SYT1: variants seen among roughly 807,000 people sequenced by gnomAD.
The protein encoded by SYT1 is synaptotagmin 1, also known as synaptotagmin-1.
SYT1 carries 8 observed loss-of-function variants against 44.8 expected under a neutral mutation model. That is an observed-to-expected ratio of 0.18 (90% CI 0.10 to 0.32). The LOEUF (loss-of-function observed/expected upper bound fraction) is 0.32. SYT1 is among the 10% of genes least tolerant of loss of function. The pLI, the probability that SYT1 is intolerant of heterozygous loss-of-function variation, is 1.00. For synonymous variants in SYT1, 154 were observed against 188.8 expected, an observed-to-expected ratio of 0.82 and a Z score of 1.51; for missense variants, 286 against 509.3, an observed-to-expected ratio of 0.56 and a Z score of 4.22.
chr12:79,249,356 G>A lies in SYT1; in HGVS notation c.166+31671G>A, dbSNP rs184990171. 4.3e-3 allele frequency among the ~76,000 whole-genome samples: 654 copies of A among 150,714 alleles called. 1 individual carries two copies. Among genetic ancestry groups the A allele is most frequent in the African/African-American group, 0.015 (602 of 40,982 alleles). On this transcript the variant is annotated intron_variant, in intron 4 of 10. Transcript: ENST00000261205. ...CCTGACCTCATGATCCACCCGCCTC[G>A]GCCTCCCAAAGTGCTGGGATTACAG...
intron 9 of SYT1, among the ~76,000 whole-genome samples, chr12:79,429,214 T>G (rs1158236908): frequency 2.0e-5 from 3 of 152,148 alleles, no homozygotes; most frequent in African/African-American, 7.2e-5. Flanking sequence ...GGATTTTTTG[T>G]TTTTGTTTTT....
chr12:79,016,406 C>T (rs1426787773), intron 2 of SYT1, among the ~76,000 whole-genome samples: 1 of 152,168 alleles, frequency 6.6e-6, no homozygotes, highest in Non-Finnish European at 1.5e-5. Context: ...CAGCTGTCCT[C>T]AGTGCAACTG....
intron 3 of SYT1, among the ~76,000 whole-genome samples, chr12:79,054,964 A>G (rs1432717557): frequency 6.6e-6 from 1 of 151,972 alleles, no homozygotes; most frequent in African/African-American, 2.4e-5. Flanking sequence ...CATGATTTAC[A>G]GTATTTTTTG....
intron 3 of SYT1, among the ~76,000 whole-genome samples, chr12:79,172,125 A>G (rs1465656677): frequency 2.0e-5 from 3 of 152,050 alleles, no homozygotes; most frequent in African/African-American, 7.2e-5. Flanking sequence ...AAATAGAGAT[A>G]TAAACACATT....
At chr12:79,229,679 C>T (rs908121295) in intron 4 of SYT1, among the ~76,000 whole-genome samples, 14 of 151,886 alleles carry the variant, frequency 9.2e-5, no homozygotes, top group South Asian at 4.2e-4. Flanking sequence ...CTACAACTTC[C>T]GCTTCCCGGG....
chr12:79,175,344 A>C (rs1871791909), intron 3 of SYT1, among the ~76,000 whole-genome samples: 1 of 152,084 alleles, frequency 6.6e-6, no homozygotes, highest in African/African-American at 2.4e-5. Flanking sequence ...GGATAATGTA[A>C]TAAATACTTT....
intron 3 of SYT1, among the ~76,000 whole-genome samples, chr12:79,067,027 C>G (rs1415807191): frequency 6.6e-6 from 1 of 152,172 alleles, no homozygotes; most frequent in East Asian, 1.9e-4. Context: ...CTATAATTGC[C>G]TCCACGCAGT....
intron 4 of SYT1, among the ~76,000 whole-genome samples, chr12:79,237,174 G>C (rs913097169): frequency 1.3e-5 from 2 of 152,200 alleles, no homozygotes; most frequent in African/African-American, 4.8e-5. Flanking sequence ...GACAGGTGCT[G>C]TGTCTGGGTC....
intron 3 of SYT1, among the ~76,000 whole-genome samples, chr12:79,203,641 G>A (rs1403984804): frequency 6.6e-6 from 1 of 152,080 alleles, no homozygotes; most frequent in East Asian, 1.9e-4. Context: ...AAAAAAAAGT[G>A]GGGTTTTATC....
chr12:79,146,083 A>C (rs1199908301), intron 3 of SYT1, among the ~76,000 whole-genome samples: 3 of 152,130 alleles, frequency 2.0e-5, no homozygotes, highest in Non-Finnish European at 4.4e-5. Flanking sequence ...AGTCCTGTGG[A>C]GGAGAGGGAA....
At chr12:79,301,767 T>C (rs1880163546) in intron 8 of SYT1, among the ~76,000 whole-genome samples, 1 of 152,176 alleles carries the variant, frequency 6.6e-6, no homozygotes, top group African/African-American at 2.4e-5. Flanking sequence ...GAGTTATTAA[T>C]GGGAAATATT....
chr12:78,880,692 A>G (rs1874406754), intron 1 of SYT1, among the ~76,000 whole-genome samples: 1 of 151,628 alleles, frequency 6.6e-6, no homozygotes, highest in Non-Finnish European at 1.5e-5. Flanking sequence ...CAATTTGCAT[A>G]GAGATGACAA....
chr12:79,040,705 A>G (rs926766563), intron 2 of SYT1, among the ~76,000 whole-genome samples: 4 of 152,180 alleles, frequency 2.6e-5, no homozygotes, highest in Non-Finnish European at 4.4e-5. Flanking sequence ...GCCCATGCCT[A>G]TGTACTGAAT....
chr12:79,140,952 C>A (rs1869520048), intron 3 of SYT1, among the ~76,000 whole-genome samples: 4 of 152,192 alleles, frequency 2.6e-5, no homozygotes. Flanking sequence ...AATGAACTGG[C>A]AGTCAAAGCC....
In SYT1 at chr12:79,058,968, C is replaced by G. The variant is rs11112543; in HGVS notation, c.-18+11606C>G. Among the ~76,000 whole-genome samples, 776 of 152,152 alleles carry G rather than the reference C, an allele frequency of 5.1e-3. 2 individuals are homozygous for G. Among genetic ancestry groups the G allele is most frequent in the South Asian group, 8.5e-3 (41 of 4,818 alleles). Reference sequence around the variant, plus strand: ...AGGTATGTATTAGTCTGTTCTCACACTGCTAATAAAGACATACCCAAGACT... The same window carrying G: ...AGGTATGTATTAGTCTGTTCTCACAGTGCTAATAAAGACATACCCAAGACT... On this transcript the variant is annotated intron_variant, in intron 3 of 10. Transcript: ENST00000261205.
At chr12:79,372,439 T>G (rs1883828157) in intron 9 of SYT1, among the ~76,000 whole-genome samples, 1 of 152,222 alleles carries the variant, frequency 6.6e-6, no homozygotes, top group African/African-American at 2.4e-5. Context: ...TAGCACAGCC[T>G]AGCTATGTTG....
chr12:79,370,891 T>G (rs1883759262), intron 9 of SYT1, among the ~76,000 whole-genome samples: 1 of 152,144 alleles, frequency 6.6e-6, no homozygotes, highest in Admixed American at 6.5e-5. Context: ...AAAGTTTCAT[T>G]TTAAAACTCT....
intron 2 of SYT1, among the ~76,000 whole-genome samples, chr12:78,999,646 T>TAG (rs1870604077): frequency 2.0e-5 from 3 of 152,182 alleles, no homozygotes; most frequent in Admixed American, 2.0e-4. Context: ...TTGTGTGTTT[T>TAG]AGAGAGGATA....
chr12:79,215,780 A>G (rs1435072977), intron 3 of SYT1, among the ~76,000 whole-genome samples: 2 of 152,146 alleles, frequency 1.3e-5, no homozygotes, highest in Non-Finnish European at 2.9e-5. Context: ...GATCTCCTGG[A>G]AGTAGATCCA....
Sources: allele counts gnomAD v4.1 joint callset (sites outside exome capture counted in the v4.1 genomes callset), GRCh38; gene constraint gnomAD v4.1.1; transcripts MANE v1.5; gene names NCBI Gene and HGNC (gene_info 2026-07-23, HGNC 2026-07-21).